The following CLIP1 variants were observed in gnomAD, a reference collection of about 807,000 sequenced individuals.
The protein encoded by CLIP1 is CAP-Gly domain containing linker protein 1.
In CLIP1, 66 loss-of-function variants were observed where a neutral mutation model predicts 161.6. The ratio of observed to expected loss-of-function variants is 0.41; its 90% CI spans 0.33 to 0.50. The LOEUF (loss-of-function observed/expected upper bound fraction) is 0.50, where lower values mean the gene tolerates loss of function less well. CLIP1 is among the 20% of genes least tolerant of loss of function. The probability of loss-of-function intolerance (pLI) is 0.27; values close to 1 mark genes in which losing one functional copy is unlikely to be tolerated. For missense variants in CLIP1, 1,376 were observed against 1,702.0 expected, an observed-to-expected ratio of 0.81 and a Z score of 3.37; for synonymous variants, 598 against 626.2, an observed-to-expected ratio of 0.96 and a Z score of 0.67.
intron 15 of CLIP1, among the ~76,000 whole-genome samples, chr12:122,330,148 T>C (rs1284111036): frequency 6.6e-6 from 1 of 151,138 alleles, no homozygotes; most frequent in Non-Finnish European, 1.5e-5. Flanking sequence ...AAACACGGGA[T>C]GTTGATCAAG....
At chr12:122,398,148 G>A (rs1040757583) in intron 1 of CLIP1, among the ~76,000 whole-genome samples, 5 of 151,538 alleles carry the variant, frequency 3.3e-5, no homozygotes, top group South Asian at 2.1e-4. Context: ...GGGCTTGGTG[G>A]CTCATGCCTG....
At chr12:122,347,539 A>G (rs1450650757) in intron 9 of CLIP1, 60 bp from the exon 10 acceptor site, 7 of 1,314,098 alleles carry the variant, frequency 5.3e-6, no homozygotes, top group Non-Finnish European at 7.7e-6. Context: ...TGCCAGCACG[A>G]GAGGAGAGAC....
chr12:122,299,883 T>TC (rs1390610737), intron 20 of CLIP1, among the ~76,000 whole-genome samples: 4 of 151,480 alleles, frequency 2.6e-5, no homozygotes, highest in Non-Finnish European at 5.9e-5. Flanking sequence ...GCCACTGCAC[T>TC]CCAGCCTGGG....
At chr12:122,371,730 C>T (rs1954461960) in intron 3 of CLIP1, among the ~76,000 whole-genome samples, 1 of 152,142 alleles carries the variant, frequency 6.6e-6, no homozygotes, top group African/African-American at 2.4e-5. Flanking sequence ...ATCTGACAGG[C>T]AGGTGGACGG....
At chr12:122,348,369 G>T (rs147340793) in intron 9 of CLIP1, among the ~76,000 whole-genome samples, 1 of 152,112 alleles carries the variant, frequency 6.6e-6, no homozygotes, top group Non-Finnish European at 1.5e-5. Context: ...ACTGGTAAGG[G>T]GTTTATTATT....
At chr12:122,305,851 T>C (rs1445389898) in intron 20 of CLIP1, among the ~76,000 whole-genome samples, 1 of 151,768 alleles carries the variant, frequency 6.6e-6, no homozygotes, top group Non-Finnish European at 1.5e-5. Flanking sequence ...ACGGATTGCC[T>C]AAGCTCAGGA....
chr12:122,354,944 T>C (rs976201067), intron 6 of CLIP1, 171 bp downstream of exon 6: 5 of 633,170 alleles, frequency 7.9e-6, no homozygotes, highest in Admixed American at 5.9e-5. Context: ...TCTGTGATCA[T>C]GGAAACTGGC....
chr12:122,416,422 G>A (rs530268358), intron 1 of CLIP1, among the ~76,000 whole-genome samples: 2 of 152,160 alleles, frequency 1.3e-5, no homozygotes, highest in African/African-American at 4.8e-5. Flanking sequence ...GAAATTCTTT[G>A]AGCCTCATTT....
intron 20 of CLIP1, among the ~76,000 whole-genome samples, chr12:122,289,676 T>C (rs1417704607): frequency 6.6e-6 from 1 of 152,184 alleles, no homozygotes; most frequent in Non-Finnish European, 1.5e-5. Flanking sequence ...AGTGGTTCTT[T>C]ATTATCTCAT....
At chr12:122,385,955 G>A (rs770449014) in intron 1 of CLIP1, among the ~76,000 whole-genome samples, 2 of 152,096 alleles carry the variant, frequency 1.3e-5, no homozygotes, top group Non-Finnish European at 2.9e-5. Flanking sequence ...AATTGCAGAG[G>A]TCAAGAGTTT....
At position 122,393,912 on chromosome 12, in the gene CLIP1, C is replaced by CAAAAAAA. The variant is rs71082981; in HGVS notation, c.-106-13361_-106-13355dup. Among the ~76,000 whole-genome samples the CAAAAAAA allele has an allele frequency of 6.2e-4, 39 of 63,192 alleles. 5 individuals carry two copies. The highest frequency in any genetic ancestry group is 9.2e-4 in the African/African-American group (20 of 21,662). The allele number at this position is 63,192 out of a possible 152,430, so 41.5% of individuals were successfully genotyped here. ...GGGTGACAGAGTGAGATTCTGTCTCCAAAAAAAAAAAAAAAAAAGATTCTA... is the reference window on the plus strand; with the variant it reads ...GGGTGACAGAGTGAGATTCTGTCTCCAAAAAAAAAAAAAAAAAAAAAAAAAGATTCTA... On this transcript the variant is annotated intron_variant, in intron 1 of 25. Transcript: ENST00000620786.
intron 17 of CLIP1, among the ~76,000 whole-genome samples, chr12:122,324,728 A>C (rs965563211): frequency 2.0e-5 from 3 of 152,226 alleles, no homozygotes; most frequent in Middle Eastern, 3.2e-3. Context: ...AATTACTTTG[A>C]AAGCAGAAAG....
intron 17 of CLIP1, among the ~76,000 whole-genome samples, chr12:122,326,151 G>T (rs994725185): frequency 1.3e-5 from 2 of 152,196 alleles, no homozygotes; most frequent in African/African-American, 4.8e-5. Flanking sequence ...GACTGATTAC[G>T]ATCCACTGAA....
At position 122,355,447 on chromosome 12, in the gene CLIP1, A is replaced by G; in HGVS notation, c.1006-135T>C. ...AGCTGGCAGGCTGGCCAGGATTAGG[A>G]AAGGCTTCCTCAAAAACACAAGACA... On this transcript the variant is annotated intron_variant, in intron 5 of 25. Coordinates refer to ENST00000620786, the MANE Select transcript of CLIP1 (RefSeq NM_001247997.2). The surrounding 1 kb of genome is among the most constrained non-coding windows in gnomAD (Gnocchi z 4.1). The G allele has an allele frequency of 1.5e-6, 1 of 688,454 alleles. No individual in the cohort carries two copies. The highest frequency in any genetic ancestry group is 1.8e-5 in the South Asian group (1 of 54,176). 42.6% of individuals were successfully genotyped at this position (688,454 alleles called of 1,614,324 possible).
At chr12:122,313,936 C>G (rs1225974368) in intron 19 of CLIP1, among the ~76,000 whole-genome samples, 2 of 152,108 alleles carry the variant, frequency 1.3e-5, no homozygotes, top group South Asian at 4.2e-4. Flanking sequence ...GCGGGCAGAT[C>G]ATTTGAGGCC....
chr12:122,340,047 G>C (rs1952423509), intron 11 of CLIP1, among the ~76,000 whole-genome samples: 3 of 151,322 alleles, frequency 2.0e-5, no homozygotes, highest in African/African-American at 7.3e-5. Flanking sequence ...ACTATATGTG[G>C]TTAGAAGAGG....
chr12:122,332,012 A>C (rs751367772), intron 15 of CLIP1, among the ~76,000 whole-genome samples: 15 of 151,294 alleles, frequency 9.9e-5, no homozygotes, highest in Non-Finnish European at 2.1e-4. Context: ...AATAGTTAAA[A>C]ATATTTTTAA....
intron 1 of CLIP1, among the ~76,000 whole-genome samples, chr12:122,410,660 T>C (rs12829449): frequency 0.49 from 73,911 of 151,748 alleles, 21,791 homozygotes; most frequent in Non-Finnish European, 0.64. Flanking sequence ...GGTTTTGCCA[T>C]GTTGGCCAGG....
intron 1 of CLIP1, among the ~76,000 whole-genome samples, chr12:122,393,912 CAAAAAA>C (rs71082981): frequency 9.5e-5 from 6 of 63,170 alleles, no homozygotes; most frequent in Admixed American, 5.4e-4. Flanking sequence ...ATTCTGTCTC[CAAAAAA>C]AAAAAAAAAA....
Sources: allele counts gnomAD v4.1 joint callset (sites outside exome capture counted in the v4.1 genomes callset), GRCh38; gene constraint gnomAD v4.1.1; non-coding constraint Gnocchi (gnomAD v3.1); transcripts MANE v1.5; gene names NCBI Gene and HGNC (gene_info 2026-07-23, HGNC 2026-07-21).